The following RAB38 variants were observed in gnomAD, a reference collection of about 807,000 sequenced individuals.
The protein encoded by RAB38 is ras-related protein Rab-38.
RAB38 carries 15 observed loss-of-function variants against 18.4 expected under a neutral mutation model. The observed-to-expected ratio is 0.82, with a 90% CI of 0.55 to 1.26. The LOEUF (loss-of-function observed/expected upper bound fraction) is 1.26. Among genes scored for constraint, RAB38 ranks in the 50% most tolerant of loss-of-function variants. RAB38 has a pLI of 0.00. For missense variants in RAB38, 294 were observed against 267.4 expected (o/e 1.10, Z -0.69); for synonymous variants, 101 against 104.4 (o/e 0.97, Z 0.20).
the RAB38 span, among the ~76,000 whole-genome samples, chr11:87,830,858 G>T: frequency 1.3e-5 from 2 of 152,078 alleles, no homozygotes; most frequent in South Asian, 2.1e-4. Flanking sequence ...GGGTGCAGTG[G>T]TGTGGTCTCG....
chr11:87,880,018 T>C, the RAB38 span: 4 of 151,764 alleles, frequency 2.6e-5, no homozygotes, highest in African/African-American at 9.7e-5. Flanking sequence ...AGAATAGTGG[T>C]ACATAGTAAT....
chr11:88,088,142 G>T, the RAB38 span, among the ~76,000 whole-genome samples: 1 of 151,888 alleles, frequency 6.6e-6, no homozygotes, highest in Admixed American at 6.6e-5. Flanking sequence ...CTTTGTGCTA[G>T]CATCATCTTT....
intron 2 of RAB38, among the ~76,000 whole-genome samples, chr11:88,120,548 C>G (rs781324442): frequency 6.6e-6 from 1 of 152,166 alleles, no homozygotes; most frequent in Non-Finnish European, 1.5e-5. Context: ...TTGGGAAGGA[C>G]AGACTGAGCC....
In RAB38 at chr11:88,113,575, C is replaced by A. The variant is rs35631862; in HGVS notation, c.*413G>T. Reference sequence around the variant, plus strand: ...CATCTACTTAATAGGCCTGTCAGGCCATCAGAGAATATACTGAAATCTGGA... The same window carrying A: ...CATCTACTTAATAGGCCTGTCAGGCAATCAGAGAATATACTGAAATCTGGA... On this transcript the variant is annotated 3_prime_UTR_variant, in exon 3 of 3. Coordinates refer to ENST00000243662, the MANE Select transcript of RAB38 (RefSeq NM_022337.3). 1.6e-3 allele frequency: 278 copies of A among 175,774 alleles called. No homozygotes were observed. The highest frequency in any genetic ancestry group is 6.0e-3 in the African/African-American group (255 of 42,344). 10.9% of individuals were successfully genotyped at this position (175,774 alleles called of 1,614,324 possible). A position where few individuals can be genotyped will look rare whatever the true frequency, so the allele number is the denominator to read the frequency against.
the RAB38 span, among the ~76,000 whole-genome samples, chr11:88,054,138 GAACTT>G: frequency 6.6e-6 from 1 of 152,130 alleles, no homozygotes; most frequent in Non-Finnish European, 1.5e-5. Context: ...ACATCTCTAA[GAACTT>G]AGCTATTATG....
At chr11:87,868,608 A>ACAGAGAAG in the RAB38 span, among the ~76,000 whole-genome samples, 1 of 102,988 alleles carries the variant, frequency 9.7e-6, no homozygotes, top group Non-Finnish European at 1.9e-5. Context: ...AGAGAGAGAG[A>ACAGAGAAG]GAGAGAGAGA....
chr11:88,152,018 G>A (rs550892193), intron 1 of RAB38, among the ~76,000 whole-genome samples: 103 of 152,314 alleles, frequency 6.8e-4, no homozygotes, highest in African/African-American at 2.4e-3. Flanking sequence ...CACATGACAC[G>A]TAAGCCCCAG....
the RAB38 span, among the ~76,000 whole-genome samples, chr11:87,889,249 C>T: frequency 6.6e-6 from 1 of 151,886 alleles, no homozygotes; most frequent in Non-Finnish European, 1.5e-5. Flanking sequence ...TTCTCCACCT[C>T]CCTCTGACTG....
At chr11:87,944,117 T>C in the RAB38 span, among the ~76,000 whole-genome samples, 1 of 152,276 alleles carries the variant, frequency 6.6e-6, no homozygotes, top group Non-Finnish European at 1.5e-5. Flanking sequence ...TATGGTCTAT[T>C]AAGTATGCAA....
the RAB38 span, among the ~76,000 whole-genome samples, chr11:87,962,319 A>T: frequency 6.6e-6 from 1 of 152,220 alleles, no homozygotes; most frequent in Non-Finnish European, 1.5e-5. Flanking sequence ...TCAAAGAGGG[A>T]AACTTTGTCA....
At position 88,119,554 on chromosome 11, in the gene RAB38, G is replaced by C. The variant is rs1942603233; in HGVS notation, c.484-5414C>G. 2.0e-5 allele frequency among the ~76,000 whole-genome samples: 3 copies of C among 151,804 alleles called. No individual in the cohort carries two copies. In the South Asian group the frequency reaches 6.3e-4, roughly 32 times the overall value. ...TGATTCTCATCTTTCGGTGGAGGAAGGCACATACAACTAACCATCAGAGGT... is the reference window on the plus strand; with the variant it reads ...TGATTCTCATCTTTCGGTGGAGGAACGCACATACAACTAACCATCAGAGGT... On this transcript the variant is annotated intron_variant, in intron 2 of 2. Transcript: ENST00000243662.
the RAB38 span, among the ~76,000 whole-genome samples, chr11:88,035,926 T>A: frequency 6.6e-6 from 1 of 152,116 alleles, no homozygotes; most frequent in Non-Finnish European, 1.5e-5. Context: ...CTCTAATGAT[T>A]TCAAACCACT....
chr11:88,012,164 G>A, the RAB38 span, among the ~76,000 whole-genome samples: 5 of 152,250 alleles, frequency 3.3e-5, no homozygotes, highest in South Asian at 4.1e-4. Flanking sequence ...TCATGGCACC[G>A]GTGAGGAGAA....
At chr11:88,005,499 A>C in the RAB38 span, among the ~76,000 whole-genome samples, 1 of 151,426 alleles carries the variant, frequency 6.6e-6, no homozygotes, top group African/African-American at 2.4e-5. Context: ...TTTATTAATT[A>C]AAATTACATC....
the RAB38 span, among the ~76,000 whole-genome samples, chr11:87,941,091 G>A: frequency 1.7e-4 from 26 of 150,790 alleles, no homozygotes; most frequent in Non-Finnish European, 2.8e-4. Flanking sequence ...GCTCTTAAAA[G>A]AACCTGAAGT....
chr11:88,145,226 T>G (rs929610968), intron 2 of RAB38, among the ~76,000 whole-genome samples: 2 of 152,004 alleles, frequency 1.3e-5, no homozygotes, highest in Admixed American at 1.3e-4. Context: ...CTCAGGTCAC[T>G]GCAACCTCCG....
At chr11:87,868,414 G>A in the RAB38 span, among the ~76,000 whole-genome samples, 2 of 151,470 alleles carry the variant, frequency 1.3e-5, no homozygotes, top group Non-Finnish European at 1.5e-5. Context: ...TGTCAAGCCT[G>A]AAAAACCATG....
intron 1 of RAB38, among the ~76,000 whole-genome samples, chr11:88,168,458 G>C (rs779275376): frequency 8.6e-5 from 13 of 151,956 alleles, no homozygotes; most frequent in Admixed American, 1.3e-4. Flanking sequence ...CTTTCTTTTA[G>C]CATGTGATAC....
the RAB38 span, among the ~76,000 whole-genome samples, chr11:88,100,339 G>T: frequency 6.6e-6 from 1 of 151,928 alleles, no homozygotes; most frequent in African/African-American, 2.4e-5. Flanking sequence ...GCCGTTTTAA[G>T]GGAGCCTAGC....
Sources: gnomAD v4.1 joint callset for allele counts (sites outside exome capture counted in the v4.1 genomes callset) on GRCh38, gnomAD v4.1.1 for gene constraint, MANE v1.5 for transcripts, NCBI Gene and HGNC (gene_info 2026-07-23, HGNC 2026-07-21) for gene names.